Variants in PCDHGA10 observed in about 807,000 individuals in gnomAD.
The protein encoded by PCDHGA10 is protocadherin gamma subfamily A, 10.
Under a neutral mutation model 59.5 loss-of-function variants are expected in PCDHGA10, and 42 were observed. The observed-to-expected ratio is 0.71, with a 90% CI of 0.55 to 0.91. The LOEUF is 0.91. PCDHGA10 is among the 40% of genes least tolerant of loss of function. The pLI, the probability that PCDHGA10 is intolerant of heterozygous loss-of-function variation, is 0.00. For missense variants in PCDHGA10, 1,111 were observed against 1,198.2 expected (o/e 0.93, Z 1.07); for synonymous variants, 511 against 517.2 (o/e 0.99, Z 0.16).
Position 141,487,845 on chromosome 5 carries a change from A to C in PCDHGA10, c.2437-6962A>C, listed in dbSNP as rs2099667978. ...GGGTCATGCCTATATCTGAGTAAGA[A>C]ATGAAAGTAATTGGTGATCAAGAGC... On this transcript the variant is annotated intron_variant, in intron 1 of 3. Coordinates refer to ENST00000398610, the MANE Select transcript of PCDHGA10 (RefSeq NM_018913.3). The surrounding 1 kb of genome is among the most constrained non-coding windows in gnomAD (Gnocchi z 5.0). 2.9e-6 allele frequency: 3 copies of C among 1,027,382 alleles called. No homozygotes were observed. Among genetic ancestry groups the C allele is most frequent in the Non-Finnish European group, 4.2e-6 (3 of 716,452 alleles). The allele number at this position is 1,027,382 out of a possible 1,614,324, so 63.6% of individuals were successfully genotyped here.
intron 1 of PCDHGA10, among the ~76,000 whole-genome samples, chr5:141,467,404 C>T (rs1032912609): frequency 1.3e-5 from 2 of 151,864 alleles, no homozygotes; most frequent in African/African-American, 4.8e-5. Context: ...AGTTAGAAAG[C>T]CTTTCCCCAC....
intron 1 of PCDHGA10, among the ~76,000 whole-genome samples, chr5:141,469,716 A>G (rs1189597018): frequency 3.9e-5 from 6 of 152,260 alleles, no homozygotes; most frequent in African/African-American, 1.4e-4. Context: ...CACTATTAGG[A>G]ATTTATCATA....
chr5:141,417,641 C>G (rs1266850894), intron 1 of PCDHGA10: 12 of 779,426 alleles, frequency 1.5e-5, no homozygotes, highest in Non-Finnish European at 2.1e-5. Context: ...CCGGGGATCC[C>G]TCAGCCTCTA....
intron 1 of PCDHGA10, chr5:141,478,463 G>A: frequency 6.2e-7 from 1 of 1,613,424 alleles, no homozygotes; most frequent in South Asian, 1.1e-5. Context: ...CAGTCCACTG[G>A]CCAGCCGCCA....
chr5:141,423,539 T>C (rs747825176), intron 1 of PCDHGA10: 10 of 1,613,140 alleles, frequency 6.2e-6, no homozygotes, highest in Non-Finnish European at 8.5e-6. Flanking sequence ...CACCTGATTT[T>C]CCCCCAGCCC....
intron 3 of PCDHGA10, among the ~76,000 whole-genome samples, chr5:141,505,782 T>A (rs1163025757): frequency 6.6e-6 from 1 of 152,204 alleles, no homozygotes; most frequent in Non-Finnish European, 1.5e-5. Context: ...CTAGCTCTGC[T>A]ACTATCCTTG....
chr5:141,501,290 TAC>T (rs55762287), intron 2 of PCDHGA10, among the ~76,000 whole-genome samples: 11,544 of 136,022 alleles, frequency 0.085, 708 homozygotes, highest in East Asian at 0.37. Context: ...TATTCCCTTA[TAC>T]ACACACACAC....
At chr5:141,478,618 G>A (rs1374855853) in intron 1 of PCDHGA10, 1 of 1,556,056 alleles carries the variant, frequency 6.4e-7, no homozygotes, top group Non-Finnish European at 8.7e-7. Flanking sequence ...GGAAGGAATG[G>A]AGCTGTTTTT....
intron 1 of PCDHGA10, chr5:141,422,096 C>T: frequency 6.2e-7 from 1 of 1,610,710 alleles, no homozygotes; most frequent in Non-Finnish European, 8.5e-7. Context: ...AGCAAGGCTT[C>T]TGAAATATTC....
chr5:141,503,212 C>G (rs1227936455), intron 2 of PCDHGA10, among the ~76,000 whole-genome samples: 1 of 152,074 alleles, frequency 6.6e-6, no homozygotes, highest in African/African-American at 2.4e-5. Flanking sequence ...CAGTGCCCAC[C>G]ATGAGCACCG....
intron 1 of PCDHGA10, among the ~76,000 whole-genome samples, chr5:141,460,252 A>T (rs1342135416): frequency 6.6e-6 from 1 of 151,974 alleles, no homozygotes; most frequent in African/African-American, 2.4e-5. Flanking sequence ...AATTTTGATA[A>T]AGCCCAATTT....
At chr5:141,468,889 G>T (rs2099184580) in intron 1 of PCDHGA10, among the ~76,000 whole-genome samples, 1 of 151,496 alleles carries the variant, frequency 6.6e-6, no homozygotes, top group African/African-American at 2.4e-5. Flanking sequence ...ATAATAATAA[G>T]GTACTAATAT....
intron 1 of PCDHGA10, chr5:141,426,946 C>A (rs565370434): frequency 2.2e-6 from 1 of 456,786 alleles, no homozygotes; most frequent in South Asian, 1.5e-5. Flanking sequence ...CCAGTCCCAA[C>A]TGGCACTGCT....
chr5:141,448,955 A>G (rs929888928), intron 1 of PCDHGA10, among the ~76,000 whole-genome samples: 1 of 152,174 alleles, frequency 6.6e-6, no homozygotes. Flanking sequence ...AAAAAAACAA[A>G]CAAACAAACA....
intron 1 of PCDHGA10, among the ~76,000 whole-genome samples, chr5:141,457,187 G>A (rs1314148733): frequency 1.3e-5 from 2 of 152,210 alleles, no homozygotes; most frequent in Admixed American, 1.3e-4. Flanking sequence ...ATAGTAGAGT[G>A]AGGAAAGCAG....
chr5:141,431,012 G>A lies in PCDHGA10; in HGVS notation c.2436+15401G>A. On this transcript the variant is annotated intron_variant, in intron 1 of 3. Coordinates refer to ENST00000398610, the MANE Select transcript of PCDHGA10 (RefSeq NM_018913.3). This position sits in a 1 kb window ranked among gnomAD's most constrained non-coding sequence, Gnocchi z 4.8. The stretch of plus-strand genomic sequence containing the variant: ...CCTGAATCCGCGCAGCGGCAGCTTG[G>A]TCACGGCGGGCAGGATAGACCGGGA... 1 of 1,613,314 alleles carries A rather than the reference G, an allele frequency of 6.2e-7. No individual in the cohort carries two copies. Among genetic ancestry groups the A allele is most frequent in the South Asian group, 1.1e-5 (1 of 91,076 alleles).
chr5:141,447,648 T>A (rs1262852729), intron 1 of PCDHGA10, among the ~76,000 whole-genome samples: 3 of 152,164 alleles, frequency 2.0e-5, no homozygotes, highest in African/African-American at 4.8e-5. Flanking sequence ...ATGGTAGAAT[T>A]TTCCCCCCCA....
At chr5:141,461,979 A>C (rs1420971777) in intron 1 of PCDHGA10, among the ~76,000 whole-genome samples, 1 of 152,144 alleles carries the variant, frequency 6.6e-6, no homozygotes, top group Non-Finnish European at 1.5e-5. Context: ...ATATGCCACC[A>C]CGCCAGGCTA....
At chr5:141,452,119 TTCATATATGGC>T (rs1472213897) in intron 1 of PCDHGA10, among the ~76,000 whole-genome samples, 3 of 152,250 alleles carry the variant, frequency 2.0e-5, no homozygotes, top group African/African-American at 7.2e-5. Flanking sequence ...TTCTTATTTA[TTCATATATGGC>T]TCATGTGTTT....
Sources: allele counts gnomAD v4.1 joint callset (sites outside exome capture counted in the v4.1 genomes callset), GRCh38; gene constraint gnomAD v4.1.1; non-coding constraint Gnocchi (gnomAD v3.1); transcripts MANE v1.5; gene names NCBI Gene and HGNC (gene_info 2026-07-23, HGNC 2026-07-21).